The following PEMT variants were observed in gnomAD, a reference collection of about 807,000 sequenced individuals.
The protein encoded by PEMT is phosphatidylethanolamine N-methyltransferase.
In PEMT, 23 loss-of-function variants were observed where a neutral mutation model predicts 27.4. The ratio of observed to expected loss-of-function variants is 0.84; its 90% CI spans 0.60 to 1.19. The LOEUF is 1.19. Among genes scored for constraint, PEMT ranks in the 50% most tolerant of loss-of-function variants. The pLI is 0.00. For synonymous variants in PEMT, 137 were observed against 139.1 expected, an observed-to-expected ratio of 0.98 and a Z score of 0.11; for missense variants, 307 against 310.1, an observed-to-expected ratio of 0.99 and a Z score of 0.07.
At chr17:17,573,327 C>T (rs1408300672) in intron 2 of PEMT, among the ~76,000 whole-genome samples, 1 of 151,716 alleles carries the variant, frequency 6.6e-6, no homozygotes, top group African/African-American at 2.4e-5. Context: ...GTTAGCTGGG[C>T]TTGGTGGCAG....
At chr17:17,538,408 C>A (rs897377714) in intron 2 of PEMT, among the ~76,000 whole-genome samples, 1 of 152,110 alleles carries the variant, frequency 6.6e-6, no homozygotes, top group Non-Finnish European at 1.5e-5. Flanking sequence ...TTGAAAAATT[C>A]TCTGGGCATG....
intron 1 of PEMT, among the ~76,000 whole-genome samples, chr17:17,581,540 T>C (rs1438525679): frequency 2.6e-5 from 4 of 152,194 alleles, no homozygotes; most frequent in African/African-American, 7.2e-5. Context: ...GCAAGAAATA[T>C]GCTTTTTTCA....
chr17:17,588,621 T>C (rs913289256), intron 1 of PEMT, among the ~76,000 whole-genome samples: 15 of 152,190 alleles, frequency 9.9e-5, no homozygotes, highest in African/African-American at 3.6e-4. Flanking sequence ...CCCGCTCTGG[T>C]GAGCAGGTGA....
At chr17:17,539,366 G>A (rs960277200) in intron 2 of PEMT, among the ~76,000 whole-genome samples, 4 of 152,102 alleles carry the variant, frequency 2.6e-5, no homozygotes, top group African/African-American at 9.7e-5. Context: ...ACCCAGAGCT[G>A]GGCCCTTCCC....
At chr17:17,545,519 C>T (rs1909196916) in intron 2 of PEMT, among the ~76,000 whole-genome samples, 2 of 152,374 alleles carry the variant, frequency 1.3e-5, no homozygotes, top group Middle Eastern at 6.8e-3. Context: ...GGAGAAGCCA[C>T]AGCCCATGCC....
chr17:17,559,546 C>T (rs915243493), intron 2 of PEMT, among the ~76,000 whole-genome samples: 15 of 152,218 alleles, frequency 9.9e-5, no homozygotes, highest in African/African-American at 2.9e-4. Context: ...CTCCTTGAAA[C>T]GGGCCTGTGA....
intron 1 of PEMT, among the ~76,000 whole-genome samples, chr17:17,588,369 G>A (rs1912429327): frequency 6.6e-6 from 1 of 152,156 alleles, no homozygotes; most frequent in African/African-American, 2.4e-5. Context: ...GGCCATCGGA[G>A]CTTTGCCTCC....
At chr17:17,576,024 G>A (rs1911560702) in intron 2 of PEMT, among the ~76,000 whole-genome samples, 1 of 152,154 alleles carries the variant, frequency 6.6e-6, no homozygotes, top group Non-Finnish European at 1.5e-5. Context: ...CTGCAGATTA[G>A]CCTCGGGGGT....
At chr17:17,507,490 A>G in intron 5 of PEMT, 1 of 470,928 alleles carries the variant, frequency 2.1e-6, no homozygotes, top group Non-Finnish European at 3.8e-6. Context: ...TGGGAGCTGC[A>G]GGAGGCAGGG....
At chr17:17,584,427 G>A (rs989752266) in intron 1 of PEMT, among the ~76,000 whole-genome samples, 5 of 152,200 alleles carry the variant, frequency 3.3e-5, no homozygotes, top group South Asian at 2.1e-4. Context: ...CCAAAGTGCC[G>A]AGGGATTACA....
intron 2 of PEMT, among the ~76,000 whole-genome samples, chr17:17,564,052 G>C (rs1910664044): frequency 6.6e-6 from 1 of 152,122 alleles, no homozygotes; most frequent in Non-Finnish European, 1.5e-5. Flanking sequence ...TCTTGGGAAG[G>C]AGCCCTCTTG....
chr17:17,582,231 GC>G lies in PEMT; in HGVS notation c.97-5205del. 1.0e-6 allele frequency: 1 copy of G among 982,304 alleles called. No homozygotes were observed. 60.8% of individuals were successfully genotyped at this position (982,304 alleles called of 1,614,324 possible). On this transcript the variant is annotated intron_variant, in intron 1 of 6. Transcript: ENST00000255389. This position sits in a 1 kb window ranked among gnomAD's most constrained non-coding sequence, Gnocchi z 4.9. ...CACTCCAAGGCTCCAGGTTGCAGAG[GC>G]CTCGGAATCTGACTAAAGGAAAGGA... is the stretch of plus-strand genomic sequence containing the variant.
chr17:17,523,474 G>T lies in PEMT; in HGVS notation c.205-1079C>A, dbSNP rs1046568756. On this transcript the variant is annotated intron_variant, in intron 2 of 6. Transcript: ENST00000255389. The surrounding 1 kb of genome is among the most constrained non-coding windows in gnomAD (Gnocchi z 4.8). ...CCCCTGTCCTCAGAGCTCCTTGGCA[G>T]TGGCAGGCTAGGGGGCAGCAGATGG... 6.6e-6 allele frequency among the ~76,000 whole-genome samples: 1 copy of T among 152,220 alleles called. No homozygotes were observed. Among genetic ancestry groups the T allele is most frequent in the Non-Finnish European group, 1.5e-5 (1 of 68,030 alleles).
chr17:17,526,766 A>G (rs1907699831), intron 2 of PEMT, among the ~76,000 whole-genome samples: 1 of 152,240 alleles, frequency 6.6e-6, no homozygotes, highest in African/African-American at 2.4e-5. Flanking sequence ...TGGCAGCCCA[A>G]GATGTGTTCT....
intron 2 of PEMT, among the ~76,000 whole-genome samples, chr17:17,575,068 T>TC (rs796970063): frequency 2.6e-5 from 4 of 152,290 alleles, no homozygotes; most frequent in African/African-American, 9.6e-5. Flanking sequence ...ACAACAGCAA[T>TC]CCCCAATCAG....
intron 2 of PEMT, among the ~76,000 whole-genome samples, chr17:17,540,183 G>A (rs1044666929): frequency 6.6e-6 from 1 of 152,204 alleles, no homozygotes; most frequent in South Asian, 2.1e-4. Flanking sequence ...GGGCCTGGAG[G>A]GCTCATGGAG....
At chr17:17,547,280 A>T (rs376739995) in intron 2 of PEMT, among the ~76,000 whole-genome samples, 22 of 152,284 alleles carry the variant, frequency 1.4e-4, no homozygotes, top group African/African-American at 5.1e-4. Flanking sequence ...CCACACACAG[A>T]TCTGTTCTTC....
At chr17:17,592,048 A>G (rs1038592492), upstream of PEMT, 1 of 985,452 alleles carries the variant, frequency 1.0e-6, no homozygotes, top group Middle Eastern at 5.2e-4. Context: ...CTTCCCGCGC[A>G]GCCTCCTGCG....
intron 2 of PEMT, among the ~76,000 whole-genome samples, chr17:17,543,525 G>A (rs1909037722): frequency 6.6e-6 from 1 of 152,154 alleles, no homozygotes; most frequent in Non-Finnish European, 1.5e-5. Flanking sequence ...CTTTCATGAA[G>A]GCATGAAATG....
Sources: allele counts gnomAD v4.1 joint callset (sites outside exome capture counted in the v4.1 genomes callset), GRCh38; gene constraint gnomAD v4.1.1; non-coding constraint Gnocchi (gnomAD v3.1); transcripts MANE v1.5; gene names NCBI Gene and HGNC (gene_info 2026-07-23, HGNC 2026-07-21).